ANGPTL2: variants seen among roughly 807,000 people sequenced by gnomAD.
The protein encoded by ANGPTL2 is angiopoietin-related protein 2.
ANGPTL2 carries 25 observed loss-of-function variants against 52.8 expected under a neutral mutation model. That is an observed-to-expected ratio of 0.47 (90% CI 0.35 to 0.66). The LOEUF is 0.66. ANGPTL2 is among the 30% of genes least tolerant of loss of function. The probability of loss-of-function intolerance (pLI) is 0.01; values close to 1 mark genes in which losing one functional copy is unlikely to be tolerated. For missense variants in ANGPTL2, 546 were observed against 656.9 expected, an observed-to-expected ratio of 0.83 and a Z score of 1.84; for synonymous variants, 276 against 277.4, an observed-to-expected ratio of 1.00 and a Z score of 0.05.
intron 2 of ANGPTL2, 84 bp from the exon 3 acceptor site, chr9:127,094,010 T>C (rs2052814987): frequency 6.7e-7 from 1 of 1,485,558 alleles, no homozygotes; most frequent in Admixed American, 1.9e-5. Flanking sequence ...AGGCACAACC[T>C]CTGTTGAGGC....
rs1416114506 is a variant in ANGPTL2, at chr9:127,108,215, C to G, written c.517G>C (p.Ala173Pro). 1.2e-6 allele frequency: 2 copies of G among 1,613,948 alleles called. No homozygotes were observed. The highest frequency in any genetic ancestry group is 8.5e-7 in the Non-Finnish European group (1 of 1,179,996). Residue 173 changes from alanine (A) to proline (P), a missense_variant, in exon 2 of 5, where the codon GCC (alanine) becomes CCC (proline). By Grantham distance (27) the Ala-to-Pro change is conservative. Around this residue, in one of 2 missense-constraint regions of ANGPTL2, gnomAD observed 285 missense variants for 295.8 expected, o/e 0.96. Transcript: ENST00000373425. ...LNQTADMLQL[A>P]SKYKDLEHKY... ...TGCTCCAGGTCCTTGTACTTGCTGG[C>G]CAGCTGCAGCATGTCGGCTGTCTGG...
chr9:127,096,162 A>G (rs1190966061), intron 2 of ANGPTL2, among the ~76,000 whole-genome samples: 1 of 152,206 alleles, frequency 6.6e-6, no homozygotes, highest in African/African-American at 2.4e-5. Context: ...CCACTCCCTC[A>G]GTATCCTTCC....
rs370305162 is a variant in ANGPTL2 at position 127,098,489 on chromosome 9, G to A, written c.818-4563C>T. On this transcript the variant is annotated intron_variant, in intron 2 of 4. Coordinates refer to ENST00000373425, the MANE Select transcript of ANGPTL2 (RefSeq NM_012098.3). The stretch of plus-strand genomic sequence containing the variant: ...AGAAATGCAGCCCCGTGGCTGAGCC[G>A]AGTCTGTGTGGTTCCCTGAAGAAGC... 5.9e-5 allele frequency among the ~76,000 whole-genome samples: 9 copies of A among 152,298 alleles called. No individual in the cohort carries two copies. The East Asian group carries it at 1.4e-3, about 23-fold the overall frequency.
chr9:127,097,422 A>G (rs1036917703), intron 2 of ANGPTL2, among the ~76,000 whole-genome samples: 5 of 152,268 alleles, frequency 3.3e-5, no homozygotes, highest in African/African-American at 1.2e-4. Context: ...ATCAGGCCCC[A>G]TTAGCTTCCA....
chr9:127,092,154 T>G (rs989930623), intron 3 of ANGPTL2, among the ~76,000 whole-genome samples: 1 of 152,238 alleles, frequency 6.6e-6, no homozygotes, highest in Non-Finnish European at 1.5e-5. Context: ...CCAGGCATCA[T>G]GTGAACCCCA....
rs573888290 is a variant in ANGPTL2 at position 127,091,445 on chromosome 9, A to AT, written c.1282+224dup. On this transcript the variant is annotated intron_variant, in intron 4 of 4. Coordinates refer to ENST00000373425, the MANE Select transcript of ANGPTL2 (RefSeq NM_012098.3). This position sits in a 1 kb window ranked among gnomAD's most constrained non-coding sequence, Gnocchi z 4.3. ...ACCTCTTTATGTCTCGCCCCATCCC[A>AT]TTTTTTTTTTCTTAATTTGTAAATG... Among the ~76,000 whole-genome samples, 55 of 148,076 alleles carry AT rather than the reference A, an allele frequency of 3.7e-4. No homozygotes were observed. Among genetic ancestry groups the AT allele is most frequent in the Admixed American group, 1.2e-3 (18 of 14,872 alleles).
At chr9:127,110,851 C>T (rs939149452) in intron 1 of ANGPTL2, among the ~76,000 whole-genome samples, 1 of 152,184 alleles carries the variant, frequency 6.6e-6, no homozygotes, top group African/African-American at 2.4e-5. Flanking sequence ...TTGCAACCCA[C>T]CTGCATCATT....
At chr9:127,110,096 C>G (rs2054646895) in intron 1 of ANGPTL2, among the ~76,000 whole-genome samples, 1 of 152,180 alleles carries the variant, frequency 6.6e-6, no homozygotes, top group Non-Finnish European at 1.5e-5. Flanking sequence ...TCTCTGCTCC[C>G]CTTTTTAGCA....
chr9:127,099,371 GTC>G (rs1315298560), intron 2 of ANGPTL2, among the ~76,000 whole-genome samples: 1 of 152,180 alleles, frequency 6.6e-6, no homozygotes, highest in Admixed American at 6.5e-5. Flanking sequence ...CTCACTGATG[GTC>G]TGTCTCCAAA....
intron 1 of ANGPTL2, among the ~76,000 whole-genome samples, chr9:127,115,574 A>G (rs1164969026): frequency 6.6e-6 from 1 of 152,240 alleles, no homozygotes; most frequent in Non-Finnish European, 1.5e-5. Flanking sequence ...TTGGAAGTAA[A>G]TATCACAACT....
At chr9:127,109,459 T>C (rs1427884728) in intron 1 of ANGPTL2, among the ~76,000 whole-genome samples, 1 of 152,222 alleles carries the variant, frequency 6.6e-6, no homozygotes, top group Non-Finnish European at 1.5e-5. Flanking sequence ...GTTACGTGGC[T>C]CTGGTCACTG....
intron 1 of ANGPTL2, among the ~76,000 whole-genome samples, chr9:127,118,411 G>A (rs951864994): frequency 6.6e-6 from 1 of 152,194 alleles, no homozygotes; most frequent in African/African-American, 2.4e-5. Context: ...TCTATTTGGG[G>A]TGTTTTATAT....
At position 127,108,221 on chromosome 9, in the gene ANGPTL2, G is replaced by T. The variant is rs754760924; in HGVS notation, c.511C>A (p.Gln171Lys). The change falls in exon 2 of 5, where the codon CAG (glutamine) becomes AAG (lysine). Residue 171 changes from glutamine (Q) to lysine (K), a missense_variant. Around this residue, in one of 2 missense-constraint regions of ANGPTL2, gnomAD observed 285 missense variants for 295.8 expected, o/e 0.96. Coordinates refer to ENST00000373425, the MANE Select transcript of ANGPTL2 (RefSeq NM_012098.3). ...AGGTCCTTGTACTTGCTGGCCAGCTGCAGCATGTCGGCTGTCTGGTTCAGG... is the reference window on the plus strand; with the variant it reads ...AGGTCCTTGTACTTGCTGGCCAGCTTCAGCATGTCGGCTGTCTGGTTCAGG... ...RILNQTADMLQLASKYKDLEH... is the reference protein window; with the variant it reads ...RILNQTADMLKLASKYKDLEH... 1.2e-6 allele frequency: 2 copies of T among 1,613,994 alleles called. No individual in the cohort carries two copies. The highest frequency in any genetic ancestry group is 4.5e-5 in the East Asian group (2 of 44,874).
chr9:127,108,818 A>G (rs1226947944), intron 1 of ANGPTL2, 38 bp from the exon 2 acceptor site: 1 of 1,377,084 alleles, frequency 7.3e-7, no homozygotes, highest in African/African-American at 1.4e-5. Flanking sequence ...TGATGGTCCC[A>G]CCACTGTCAG....
rs1480317579 is a variant in ANGPTL2, at chr9:127,091,251, A to G, written c.1282+419T>C. ...GAGATTTAGCAGTATGCCCAAGGACACATGGCTGGTAGGAGGTGGGGCCAG... is the reference window on the plus strand; with the variant it reads ...GAGATTTAGCAGTATGCCCAAGGACGCATGGCTGGTAGGAGGTGGGGCCAG... On this transcript the variant is annotated intron_variant, in intron 4 of 4. Coordinates refer to ENST00000373425, the MANE Select transcript of ANGPTL2 (RefSeq NM_012098.3). This position sits in a 1 kb window ranked among gnomAD's most constrained non-coding sequence, Gnocchi z 4.3. Among the ~76,000 whole-genome samples, 1 of 152,248 alleles carries G rather than the reference A, an allele frequency of 6.6e-6. No homozygotes were observed. Among genetic ancestry groups the G allele is most frequent in the African/African-American group, 2.4e-5 (1 of 41,464 alleles).
At chr9:127,093,964 C>T (rs1344546614) in intron 2 of ANGPTL2, 38 bp from the exon 3 acceptor site, 1 of 1,596,954 alleles carries the variant, frequency 6.3e-7, no homozygotes. Flanking sequence ...ACAGACCTGC[C>T]TGTCACCAGG....
At position 127,088,794 on chromosome 9, in the gene ANGPTL2, G is replaced by A. The variant is rs2052080280; in HGVS notation, c.*145C>T. On this transcript the variant is annotated 3_prime_UTR_variant, in exon 5 of 5. Transcript: ENST00000373425. The stretch of plus-strand genomic sequence containing the variant: ...TATCGATTCAGTTCCATCATCCGCT[G>A]CAGTGACTTCGGAAAACAGAATCCA... The A allele has an allele frequency of 6.7e-6, 6 of 894,626 alleles. No individual in the cohort carries two copies. The highest frequency in any genetic ancestry group is 1.1e-5 in the Non-Finnish European group (6 of 570,072). The allele number at this position is 894,626 out of a possible 1,614,324, so 55.4% of individuals were successfully genotyped here.
chr9:127,116,046 A>G (rs1043436629), intron 1 of ANGPTL2, among the ~76,000 whole-genome samples: 1 of 152,194 alleles, frequency 6.6e-6, no homozygotes, highest in Non-Finnish European at 1.5e-5. Context: ...AAGACCATTG[A>G]ATGAACCATT....
chr9:127,088,805 G>T lies in ANGPTL2; in HGVS notation c.*134C>A. 1 of 1,055,632 alleles carries T rather than the reference G, an allele frequency of 9.5e-7. No individual in the cohort carries two copies. Among genetic ancestry groups the T allele is most frequent in the East Asian group, 2.4e-5 (1 of 41,262 alleles). The allele number at this position is 1,055,632 out of a possible 1,614,324, so 65.4% of individuals were successfully genotyped here. A position where few individuals can be genotyped will look rare whatever the true frequency, so the allele number is the denominator to read the frequency against. ...TTCCATCATCCGCTGCAGTGACTTC[G>T]GAAAACAGAATCCAGCATCCCGGTC... On this transcript the variant is annotated 3_prime_UTR_variant, in exon 5 of 5. Coordinates refer to ENST00000373425, the MANE Select transcript of ANGPTL2 (RefSeq NM_012098.3).
Sources: gnomAD v4.1 joint callset for allele counts (sites outside exome capture counted in the v4.1 genomes callset) on GRCh38, gnomAD v4.1.1 for gene constraint, gnomAD v4.1.1 regional missense constraint, Gnocchi (gnomAD v3.1) non-coding constraint, MANE v1.5 for transcripts, NCBI Gene and HGNC (gene_info 2026-07-23, HGNC 2026-07-21) for gene names.